The following XKR9 variants were observed in gnomAD, a reference collection of about 807,000 sequenced individuals.
XKR9 encodes XK related 9, also known as XK-related protein 9.
A neutral mutation model predicts 32.0 loss-of-function variants in XKR9; 32 were observed. The ratio of observed to expected loss-of-function variants is 1.00; its 90% CI spans 0.76 to 1.34. The LOEUF is 1.34. Ranked by LOEUF, XKR9 falls within the 40% of genes most tolerant of loss-of-function variation. XKR9 has a pLI of 0.00. For synonymous variants in XKR9, 168 were observed against 143.4 expected (o/e 1.17, Z -1.22); for missense variants, 546 against 429.7 (o/e 1.27, Z -2.39).
the XKR9 span, among the ~76,000 whole-genome samples, chr8:70,925,198 T>C: frequency 6.6e-6 from 1 of 152,220 alleles, no homozygotes; most frequent in East Asian, 1.9e-4. Context: ...AATCATGTAC[T>C]TAAATTTATC....
chr8:70,787,831 T>G (rs1586899032), intron 2 of XKR9, among the ~76,000 whole-genome samples: 1 of 152,062 alleles, frequency 6.6e-6, no homozygotes, highest in East Asian at 1.9e-4. Flanking sequence ...AGGCAATTTT[T>G]CTAGATTAAT....
intron 4 of XKR9, among the ~76,000 whole-genome samples, chr8:70,711,010 C>A (rs1202041222): frequency 6.6e-6 from 1 of 152,050 alleles, no homozygotes; most frequent in Admixed American, 6.6e-5. Context: ...TACCTGCAGA[C>A]AAGCATATGA....
chr8:71,034,499 C>T, the XKR9 span, among the ~76,000 whole-genome samples: 2 of 152,156 alleles, frequency 1.3e-5, no homozygotes, highest in African/African-American at 4.8e-5. Context: ...ACAGTGATGC[C>T]ACTTCCACCT....
chr8:70,681,419 C>A (rs1294761434), intron 3 of XKR9, 89 bp downstream of exon 3: 21 of 1,442,166 alleles, frequency 1.5e-5, no homozygotes, highest in Non-Finnish European at 1.7e-5. Context: ...GTCAAATGTA[C>A]AAAGATCCCT....
At chr8:70,823,882 C>T in the XKR9 span, among the ~76,000 whole-genome samples, 3 of 152,022 alleles carry the variant, frequency 2.0e-5, no homozygotes, top group African/African-American at 7.2e-5. Flanking sequence ...AAGGCGCTAG[C>T]AACACTGAGG....
At chr8:70,897,072 C>A in the XKR9 span, among the ~76,000 whole-genome samples, 1 of 152,108 alleles carries the variant, frequency 6.6e-6, no homozygotes, top group African/African-American at 2.4e-5. Flanking sequence ...TCATTCTACC[C>A]TCTATCTCCA....
At chr8:70,755,732 G>T (rs1172841936) in intron 2 of XKR9, among the ~76,000 whole-genome samples, 1 of 145,954 alleles carries the variant, frequency 6.9e-6, no homozygotes, top group African/African-American at 2.5e-5. Flanking sequence ...ACACGGGAAG[G>T]GGAACACCAC....
chr8:70,739,576 A>C (rs1407623493), downstream of XKR9, among the ~76,000 whole-genome samples: 1 of 152,076 alleles, frequency 6.6e-6, no homozygotes, highest in Non-Finnish European at 1.5e-5. Context: ...TGGTCTTTAC[A>C]ATTTGGCATG....
chr8:70,870,276 G>A, the XKR9 span, among the ~76,000 whole-genome samples: 8 of 152,082 alleles, frequency 5.3e-5, no homozygotes, highest in African/African-American at 1.9e-4. Context: ...AAATGTGATG[G>A]GTACTCTAGA....
the XKR9 span, among the ~76,000 whole-genome samples, chr8:70,843,576 A>T: frequency 2.0e-5 from 3 of 152,222 alleles, no homozygotes; most frequent in African/African-American, 7.2e-5. Flanking sequence ...CAGAGAAGTG[A>T]CAGAAAACAC....
At chr8:70,774,833 G>T (rs1163798564) in intron 2 of XKR9, among the ~76,000 whole-genome samples, 1 of 152,006 alleles carries the variant, frequency 6.6e-6, no homozygotes, top group Non-Finnish European at 1.5e-5. Flanking sequence ...CTGCAACTTT[G>T]TTCTTTTTCA....
At chr8:71,061,709 G>A in the XKR9 span, among the ~76,000 whole-genome samples, 2 of 152,264 alleles carry the variant, frequency 1.3e-5, no homozygotes, top group East Asian at 1.9e-4. Context: ...GAGATATAGA[G>A]GCTAAGTGTC....
intron 4 of XKR9, among the ~76,000 whole-genome samples, chr8:70,723,574 T>G (rs1806354564): frequency 6.6e-6 from 1 of 152,218 alleles, no homozygotes; most frequent in South Asian, 2.1e-4. Context: ...CAGGCCCCTC[T>G]TCTTCAGATC....
At chr8:71,025,376 G>T in the XKR9 span, among the ~76,000 whole-genome samples, 1 of 152,210 alleles carries the variant, frequency 6.6e-6, no homozygotes, top group African/African-American at 2.4e-5. Flanking sequence ...GCTAAAATCA[G>T]TCCAGGAATT....
the XKR9 span, among the ~76,000 whole-genome samples, chr8:70,938,035 A>G: frequency 6.6e-6 from 1 of 152,060 alleles, no homozygotes; most frequent in Non-Finnish European, 1.5e-5. Flanking sequence ...TACTTGGGAC[A>G]AGAGTAGAAA....
the XKR9 span, among the ~76,000 whole-genome samples, chr8:71,028,636 TA>T: frequency 6.6e-6 from 1 of 152,152 alleles, no homozygotes; most frequent in Non-Finnish European, 1.5e-5. Flanking sequence ...TGTCCCACCA[TA>T]AAAAATGTGA....
chr8:70,770,332 C>A (rs1395664401), intron 2 of XKR9, among the ~76,000 whole-genome samples: 3 of 152,198 alleles, frequency 2.0e-5, no homozygotes, highest in Non-Finnish European at 4.4e-5. Flanking sequence ...CCCAGAGGAG[C>A]ACCCGCCAGA....
chr8:70,769,415 T>C (rs939567366), intron 2 of XKR9, among the ~76,000 whole-genome samples: 1 of 152,104 alleles, frequency 6.6e-6, no homozygotes. Flanking sequence ...ATTATGTGTC[T>C]TGTGGTTGCT....
At chr8:70,974,687 C>T in the XKR9 span, among the ~76,000 whole-genome samples, 5 of 152,188 alleles carry the variant, frequency 3.3e-5, no homozygotes, top group African/African-American at 4.8e-5. Context: ...GTGAATAGTG[C>T]CACTATAAAC....
Sources: allele counts gnomAD v4.1 joint callset (sites outside exome capture counted in the v4.1 genomes callset), GRCh38; gene constraint gnomAD v4.1.1; transcripts MANE v1.5; gene names NCBI Gene and HGNC (gene_info 2026-07-23, HGNC 2026-07-21).